The following CNNM1 variants were observed in gnomAD, a reference collection of about 807,000 sequenced individuals.
CNNM1 encodes cyclin and CBS domain divalent metal cation transport mediator 1, also known as metal transporter CNNM1.
CNNM1 carries 44 observed loss-of-function variants against 78.8 expected under a neutral mutation model. The observed-to-expected ratio is 0.56, with a 90% confidence interval of 0.44 to 0.72. The LOEUF is 0.72. Among genes scored for constraint, CNNM1 ranks in the 30% least tolerant of loss-of-function variants. The pLI is 0.00. For missense variants in CNNM1, 1,101 were observed against 1,292.2 expected (o/e 0.85, Z 2.27); for synonymous variants, 584 against 581.5 (o/e 1.00, Z -0.06).
Position 99,330,989 on chromosome 10 carries a change from C to T in CNNM1, c.1573+29C>T, listed in dbSNP as rs11190056. On this transcript the variant is annotated intron_variant, in intron 1 of 10. Transcript: ENST00000356713. ...AGCAGTAGTCTATCTTCTCCCCCAACTCCTATCCCCTTCAAAGGTATTATC... is the reference window on the plus strand; with the variant it reads ...AGCAGTAGTCTATCTTCTCCCCCAATTCCTATCCCCTTCAAAGGTATTATC... The T allele has an allele frequency of 6.4e-6, 10 of 1,571,128 alleles. No individual in the cohort carries two copies. The Admixed American group carries it at 1.2e-4, about 19-fold the overall frequency.
chr10:99,335,070 C>T (rs944293616), intron 1 of CNNM1, among the ~76,000 whole-genome samples: 1 of 152,256 alleles, frequency 6.6e-6, no homozygotes, highest in Admixed American at 6.5e-5. Context: ...TTCCTGCCAC[C>T]CACAGGGTTC....
At chr10:99,357,787 G>A in intron 2 of CNNM1, 132 bp downstream of exon 2, 1 of 760,740 alleles carries the variant, frequency 1.3e-6, no homozygotes, top group Non-Finnish European at 1.9e-6. Context: ...AGCCACCTAT[G>A]CCAGGTGCTG....
At chr10:99,345,580 A>G (rs1221343064) in intron 1 of CNNM1, among the ~76,000 whole-genome samples, 2 of 152,218 alleles carry the variant, frequency 1.3e-5, no homozygotes, top group Non-Finnish European at 2.9e-5. Context: ...CTGCCAAAGC[A>G]TAGCCAAATC....
intron 7 of CNNM1, among the ~76,000 whole-genome samples, chr10:99,387,374 C>T (rs983350404): frequency 6.6e-6 from 1 of 152,214 alleles, no homozygotes; most frequent in Non-Finnish European, 1.5e-5. Flanking sequence ...TGTGTTCTCT[C>T]AGGCCTTAGC....
At chr10:99,331,056 C>A in intron 1 of CNNM1, 96 bp downstream of exon 1, 1 of 1,251,756 alleles carries the variant, frequency 8.0e-7, no homozygotes, top group Non-Finnish European at 1.1e-6. Context: ...AAAGCAATTT[C>A]TCTCCTATGG....
intron 3 of CNNM1, 23 bp from the exon 4 acceptor site, chr10:99,362,204 C>T: frequency 6.3e-7 from 1 of 1,586,042 alleles, no homozygotes; most frequent in South Asian, 1.2e-5. Flanking sequence ...CTGATTCCTC[C>T]CTTCCCACTC....
chr10:99,332,185 C>A lies in CNNM1; in HGVS notation c.1573+1225C>A, dbSNP rs76452892. Among the ~76,000 whole-genome samples, 753 of 152,192 alleles carry A rather than the reference C, an allele frequency of 4.9e-3. 3 individuals carry two copies. The highest frequency in any genetic ancestry group is 7.6e-3 in the Non-Finnish European group (518 of 68,004). On this transcript the variant is annotated intron_variant, in intron 1 of 10. Coordinates refer to ENST00000356713, the MANE Select transcript of CNNM1 (RefSeq NM_020348.3). ...GCATTCAAAAGACTATCTCACAAAC[C>A]CTGAAAGCAACACCAGACATCATAA... is the stretch of plus-strand genomic sequence containing the variant.
intron 6 of CNNM1, among the ~76,000 whole-genome samples, chr10:99,365,408 G>C (rs1417984522): frequency 6.6e-6 from 1 of 152,228 alleles, no homozygotes; most frequent in African/African-American, 2.4e-5. Flanking sequence ...TGTGGGGTTT[G>C]TCCTCAGTAA....
At chr10:99,350,596 A>T (rs1450548258) in intron 1 of CNNM1, among the ~76,000 whole-genome samples, 1 of 152,180 alleles carries the variant, frequency 6.6e-6, no homozygotes, top group East Asian at 1.9e-4. Flanking sequence ...ACCAAAATAC[A>T]GTTGTGATGT....
Position 99,329,914 on chromosome 10 carries a change from G to C in CNNM1, c.527G>C (p.Gly176Ala), listed in dbSNP as rs942054493. The C allele has an allele frequency of 7.2e-7, 1 of 1,384,578 alleles. No homozygotes were observed. Among genetic ancestry groups the C allele is most frequent in the Non-Finnish European group, 9.3e-7 (1 of 1,077,158 alleles). The allele number at this position is 1,384,578 out of a possible 1,614,324, so 85.8% of individuals were successfully genotyped here. The change falls in exon 1 of 11, where the codon GGC becomes GCC. Residue 176 changes from glycine (G) to alanine (A), a missense_variant. Transcript: ENST00000356713. ...ELRKGEAERGGAGGGGKLFSL... is the reference protein window; with the variant it reads ...ELRKGEAERGAAGGGGKLFSL... ...CGCAAGGGCGAAGCGGAGCGGGGCG[G>C]CGCGGGCGGTGGCGGGAAGCTCTTT...
Position 99,391,659 on chromosome 10 carries a change from T to C in CNNM1, c.*143T>C. ...CCTTCCATCTCTTCACCCCTAGCTGTCAGTTTGGCAGATTTTCCCTCGTTA... is the reference window on the plus strand; with the variant it reads ...CCTTCCATCTCTTCACCCCTAGCTGCCAGTTTGGCAGATTTTCCCTCGTTA... On this transcript the variant is annotated 3_prime_UTR_variant, in exon 11 of 11. Transcript: ENST00000356713. 1 of 679,948 alleles carries C rather than the reference T, an allele frequency of 1.5e-6. No individual in the cohort carries two copies. Among genetic ancestry groups the C allele is most frequent in the Non-Finnish European group, 2.5e-6 (1 of 401,016 alleles). 42.1% of individuals were successfully genotyped at this position (679,948 alleles called of 1,614,324 possible).
At chr10:99,356,106 G>A (rs548972012) in intron 1 of CNNM1, among the ~76,000 whole-genome samples, 23 of 152,300 alleles carry the variant, frequency 1.5e-4, no homozygotes, top group Middle Eastern at 6.8e-3. Context: ...AAGTACAGCG[G>A]GAATGGCTTA....
At position 99,330,009 on chromosome 10, in the gene CNNM1, C is replaced by A; in HGVS notation, c.622C>A (p.Arg208Ser). 7.1e-7 allele frequency: 1 copy of A among 1,412,596 alleles called. No homozygotes were observed. Among genetic ancestry groups the A allele is most frequent in the South Asian group, 1.5e-5 (1 of 64,950 alleles). 87.5% of individuals were successfully genotyped at this position (1,412,596 alleles called of 1,614,324 possible). A position where few individuals can be genotyped will look rare whatever the true frequency, so the allele number is the denominator to read the frequency against. Residue 208 changes from arginine (R) to serine (S), a missense_variant, in exon 1 of 11, where the codon CGC becomes AGC. Physicochemically the swap from Arg to Ser is moderately radical, Grantham distance 110 (BLOSUM62 -1). Around this residue, in one of 3 missense-constraint regions of CNNM1, gnomAD observed 476 missense variants for 484.5 expected, o/e 0.98. Coordinates refer to ENST00000356713, the MANE Select transcript of CNNM1 (RefSeq NM_020348.3). ...CGCCGGCGGCTTCCTGCTGCGCGTT[C>A]GCCCGCGGTTGTACGGCCCAGGCGG... is the stretch of plus-strand genomic sequence containing the variant. ...GAAGGFLLRVRPRLYGPGGDL... is the reference protein window; with the variant it reads ...GAAGGFLLRVSPRLYGPGGDL...
intron 1 of CNNM1, among the ~76,000 whole-genome samples, chr10:99,355,559 T>C (rs978507339): frequency 1.3e-5 from 2 of 152,182 alleles, no homozygotes; most frequent in Admixed American, 1.3e-4. Context: ...AACCAGATTT[T>C]TATTTTAGAA....
chr10:99,360,166 T>C (rs2031382060), intron 2 of CNNM1, among the ~76,000 whole-genome samples: 1 of 152,156 alleles, frequency 6.6e-6, no homozygotes, highest in Non-Finnish European at 1.5e-5. Flanking sequence ...TCCCTATATT[T>C]CCCCTGATTC....
intron 1 of CNNM1, among the ~76,000 whole-genome samples, chr10:99,333,633 C>T (rs1208391755): frequency 1.3e-5 from 2 of 152,236 alleles, no homozygotes; most frequent in East Asian, 1.9e-4. Context: ...GCATGAGCCA[C>T]TGCACTTGGC....
intron 1 of CNNM1, among the ~76,000 whole-genome samples, chr10:99,340,754 T>G (rs1353272562): frequency 1.3e-5 from 2 of 150,992 alleles, no homozygotes; most frequent in Admixed American, 1.3e-4. Flanking sequence ...CTCTCTTCTT[T>G]CTTTCTTTCT....
chr10:99,332,587 T>C (rs2029969511), intron 1 of CNNM1, among the ~76,000 whole-genome samples: 1 of 152,110 alleles, frequency 6.6e-6, no homozygotes, highest in Admixed American at 6.6e-5. Context: ...TCAATCTCAC[T>C]ACTTTAACAT....
rs376136652 is a variant in CNNM1 at position 99,390,320 on chromosome 10, T to C, written c.2689T>C (p.Cys897Arg). The change falls in exon 10 of 11, where the codon TGT (cysteine) becomes CGT (arginine). Residue 897 changes from cysteine (C) to arginine (R), a missense_variant. Transcript: ENST00000356713. ...TCCTTTCTCAGCATCAGATAGTGAA[T>C]GTTGTAACATCAACCTGGATACAGA... Reference protein sequence around the residue: ...VPTRAASDSECCNINLDTETS... With the variant: ...VPTRAASDSERCNINLDTETS... The C allele has an allele frequency of 5.4e-5, 87 of 1,612,374 alleles. No homozygotes were observed. The highest frequency in any genetic ancestry group is 7.1e-5 in the Non-Finnish European group (84 of 1,179,300).
Sources: allele counts gnomAD v4.1 joint callset (sites outside exome capture counted in the v4.1 genomes callset), GRCh38; gene constraint gnomAD v4.1.1; regional missense constraint gnomAD v4.1.1; transcripts MANE v1.5; gene names NCBI Gene and HGNC (gene_info 2026-07-23, HGNC 2026-07-21).